AGAP1: variants seen among roughly 807,000 people sequenced by gnomAD.
AGAP1 encodes the protein arf-GAP with GTPase, ANK repeat and PH domain-containing protein 1.
A neutral mutation model predicts 105.3 loss-of-function variants in AGAP1; 29 were observed. The observed-to-expected ratio is 0.28, with a 90% CI of 0.21 to 0.38. AGAP1 has a LOEUF of 0.38. AGAP1 is among the 10% of genes least tolerant of loss of function. AGAP1 has a pLI of 1.00. For synonymous variants in AGAP1, 509 were observed against 485.9 expected (o/e 1.05, Z -0.63); for missense variants, 998 against 1,165.1 (o/e 0.86, Z 2.09).
Position 236,040,244 on chromosome 2 carries a change from A to T in AGAP1, c.1801-507A>T, listed in dbSNP as rs1194908506. On this transcript the variant is annotated intron_variant, in intron 14 of 17. Coordinates refer to ENST00000304032, the MANE Select transcript of AGAP1 (RefSeq NM_001037131.3). This position sits in a 1 kb window ranked among gnomAD's most constrained non-coding sequence, Gnocchi z 5.6. ...GGCGAGTGGCTTTGTCACTGTGGCA[A>T]CCGAGGGTCTTCAGATGACATGTGC... Among the ~76,000 whole-genome samples, 8 of 152,194 alleles carry T rather than the reference A, an allele frequency of 5.3e-5. No individual in the cohort carries two copies. The highest frequency in any genetic ancestry group is 3.3e-4 in the Admixed American group (5 of 15,280).
At chr2:235,948,528 A>T (rs900670316) in intron 12 of AGAP1, among the ~76,000 whole-genome samples, 2 of 152,262 alleles carry the variant, frequency 1.3e-5, no homozygotes, top group Admixed American at 6.5e-5. Context: ...TACGAATTTC[A>T]TAACGAGAAC....
chr2:235,924,329 T>A (rs1278812167), intron 11 of AGAP1, among the ~76,000 whole-genome samples: 1 of 152,104 alleles, frequency 6.6e-6, no homozygotes. Flanking sequence ...CCTCATACTT[T>A]CTGGCTGCTC....
At chr2:235,766,369 G>T (rs1954952082) in intron 6 of AGAP1, among the ~76,000 whole-genome samples, 1 of 152,182 alleles carries the variant, frequency 6.6e-6, no homozygotes, top group African/African-American at 2.4e-5. Flanking sequence ...TGCAAGTGCT[G>T]TTGTAATTTA....
Position 235,633,772 on chromosome 2 carries a change from A to C in AGAP1, c.164-75407A>C, listed in dbSNP as rs972505019. ...CAGCTTTACCTAAAAAGATGGGGGA[A>C]GGTTACAGTAATATTTTTAGGCTTA... is the stretch of plus-strand genomic sequence containing the variant. On this transcript the variant is annotated intron_variant, in intron 1 of 17. Coordinates refer to ENST00000304032, the MANE Select transcript of AGAP1 (RefSeq NM_001037131.3). The surrounding 1 kb of genome is among the most constrained non-coding windows in gnomAD (Gnocchi z 4.8). Among the ~76,000 whole-genome samples the C allele has an allele frequency of 6.6e-6, 1 of 152,176 alleles. No individual in the cohort carries two copies. The highest frequency in any genetic ancestry group is 1.5e-5 in the Non-Finnish European group (1 of 68,030).
At chr2:235,773,106 T>C (rs969840662) in intron 6 of AGAP1, among the ~76,000 whole-genome samples, 6 of 152,220 alleles carry the variant, frequency 3.9e-5, no homozygotes, top group East Asian at 1.9e-4. Flanking sequence ...CAGAGATTTA[T>C]TGAAAACAAA....
Position 235,705,064 on chromosome 2 carries a change from T to C in AGAP1, c.164-4115T>C, listed in dbSNP as rs1039672510. The stretch of plus-strand genomic sequence containing the variant: ...TGGGATCTCGGCTCGCTGCAACCTC[T>C]ACCTCCCGGGTTCAAGCACTTCTCC... On this transcript the variant is annotated intron_variant, in intron 1 of 17. Transcript: ENST00000304032. This position sits in a 1 kb window ranked among gnomAD's most constrained non-coding sequence, Gnocchi z 4.9. Among the ~76,000 whole-genome samples the C allele has an allele frequency of 3.7e-5, 5 of 134,238 alleles. No individual in the cohort carries two copies. The highest frequency in any genetic ancestry group is 1.1e-4 in the African/African-American group (4 of 37,314). The allele number at this position is 134,238 out of a possible 152,430, so 88.1% of individuals were successfully genotyped here.
chr2:235,783,529 A>G, intron 6 of AGAP1: 9 of 358,612 alleles, frequency 2.5e-5, no homozygotes, highest in South Asian at 2.0e-4. Flanking sequence ...CCCTGTCATC[A>G]CAGGATTCTA....
Position 236,126,045 on chromosome 2 carries a change from T to C in AGAP1, c.*1923T>C, listed in dbSNP as rs183189585. The stretch of plus-strand genomic sequence containing the variant: ...CTCTTATTTCACTTTTTAAAAAAAA[T>C]TAAAGTAGGTGGGGAAAAAAATAAA... On this transcript the variant is annotated 3_prime_UTR_variant, in exon 18 of 18. Coordinates refer to ENST00000304032, the MANE Select transcript of AGAP1 (RefSeq NM_001037131.3). 2 of 152,044 alleles carry C rather than the reference T, an allele frequency of 1.3e-5. No individual in the cohort carries two copies. Among genetic ancestry groups the C allele is most frequent in the Admixed American group, 1.3e-4 (2 of 15,288 alleles). 9.4% of individuals were successfully genotyped at this position (152,044 alleles called of 1,614,324 possible).
chr2:236,007,798 G>A (rs80152799), intron 13 of AGAP1, among the ~76,000 whole-genome samples: 518 of 152,246 alleles, frequency 3.4e-3, no homozygotes, highest in Non-Finnish European at 5.6e-3. Flanking sequence ...TTCCCCTCTC[G>A]GCATCACCAG....
rs757886565 is a variant in AGAP1 at position 236,040,867 on chromosome 2, G to A, written c.1891+26G>A. 2 of 1,613,064 alleles carry A rather than the reference G, an allele frequency of 1.2e-6. No homozygotes were observed. The highest frequency in any genetic ancestry group is 4.5e-5 in the East Asian group (2 of 44,872). On this transcript the variant is annotated intron_variant, in intron 15 of 17. Transcript: ENST00000304032. This position sits in a 1 kb window ranked among gnomAD's most constrained non-coding sequence, Gnocchi z 5.6. ...GTAAGTGTGTGCGGTGGTAGCAGGGGCTGGCGCTGTGTAGCTGGAGACCAC... is the reference window on the plus strand; with the variant it reads ...GTAAGTGTGTGCGGTGGTAGCAGGGACTGGCGCTGTGTAGCTGGAGACCAC...
intron 16 of AGAP1, among the ~76,000 whole-genome samples, chr2:236,097,378 A>ATTTTT (rs2059217350): frequency 4.7e-5 from 4 of 85,542 alleles, no homozygotes; most frequent in African/African-American, 1.5e-4. Flanking sequence ...TGTCATCCTA[A>ATTTTT]TCTTTTTTTT....
intron 1 of AGAP1, among the ~76,000 whole-genome samples, chr2:235,593,696 G>A (rs1215663434): frequency 2.0e-5 from 3 of 152,160 alleles, no homozygotes; most frequent in Non-Finnish European, 1.5e-5. Context: ...AGGCTTAGTG[G>A]CTCCTTTCTG....
chr2:236,073,089 A>G lies in AGAP1; in HGVS notation c.2114+23808A>G, dbSNP rs180889124. On this transcript the variant is annotated intron_variant, in intron 16 of 17. Transcript: ENST00000304032. The surrounding 1 kb of genome is among the most constrained non-coding windows in gnomAD (Gnocchi z 5.4). Reference sequence around the variant, plus strand: ...CAGCTCACTGCAACTTCCGCCTCCCAGATTCGAGCGATTCTCCTGCCTTGG... The same window carrying G: ...CAGCTCACTGCAACTTCCGCCTCCCGGATTCGAGCGATTCTCCTGCCTTGG... Among the ~76,000 whole-genome samples the G allele has an allele frequency of 2.0e-3, 297 of 151,702 alleles. 1 individual carries two copies. The highest frequency in any genetic ancestry group is 6.9e-3 in the African/African-American group (285 of 41,338).
chr2:235,940,136 C>T (rs965534503), intron 12 of AGAP1, among the ~76,000 whole-genome samples: 8 of 152,160 alleles, frequency 5.3e-5, no homozygotes, highest in Non-Finnish European at 8.8e-5. Context: ...GCACACCCTC[C>T]CTCGGCCTCA....
At chr2:235,526,930 G>A (rs2316436) in intron 1 of AGAP1, among the ~76,000 whole-genome samples, 98,691 of 152,058 alleles carry the variant, frequency 0.65, 32,099 homozygotes, top group Admixed American at 0.71. Context: ...AGATATGGTG[G>A]TTTTGTTTTG....
chr2:235,593,072 C>G (rs1014730755), intron 1 of AGAP1, among the ~76,000 whole-genome samples: 1 of 152,034 alleles, frequency 6.6e-6, no homozygotes, highest in Non-Finnish European at 1.5e-5. Context: ...AGAGATGGCT[C>G]GGAAGTGAGG....
rs939026445 is a variant in AGAP1 at position 235,906,909 on chromosome 2, G to A, written c.1156-1829G>A. On this transcript the variant is annotated intron_variant, in intron 10 of 17. Coordinates refer to ENST00000304032, the MANE Select transcript of AGAP1 (RefSeq NM_001037131.3). This position sits in a 1 kb window ranked among gnomAD's most constrained non-coding sequence, Gnocchi z 5.3. ...TGCTTGCCTGTCATCCCAGCTACTC[G>A]GGAGACTGAGGCAGGAGAATCTCTT... Among the ~76,000 whole-genome samples the A allele has an allele frequency of 9.9e-5, 15 of 152,282 alleles. No individual in the cohort carries two copies. In the East Asian group the frequency reaches 1.5e-3, roughly 16 times the overall value.
At chr2:235,617,742 G>C (rs1033926524) in intron 1 of AGAP1, among the ~76,000 whole-genome samples, 4 of 152,182 alleles carry the variant, frequency 2.6e-5, no homozygotes, top group African/African-American at 9.6e-5. Flanking sequence ...TATAATCTCT[G>C]TTTCTGCGGC....
intron 1 of AGAP1, among the ~76,000 whole-genome samples, chr2:235,533,248 A>G (rs2149078009): frequency 6.6e-6 from 1 of 152,368 alleles, no homozygotes. Context: ...GTCATCAGCC[A>G]CATTCTGATG....
Sources: gnomAD v4.1 joint callset for allele counts (sites outside exome capture counted in the v4.1 genomes callset) on GRCh38, gnomAD v4.1.1 for gene constraint, Gnocchi (gnomAD v3.1) non-coding constraint, MANE v1.5 for transcripts, NCBI Gene and HGNC (gene_info 2026-07-23, HGNC 2026-07-21) for gene names.